Variants in SDSL observed in about 807,000 individuals in gnomAD.
SDSL encodes the protein serine dehydratase-like.
SDSL carries 26 observed loss-of-function variants against 27.6 expected under a neutral mutation model. That is an observed-to-expected ratio of 0.94 (90% CI 0.69 to 1.31). The LOEUF is 1.31. SDSL is among the 50% of genes most tolerant of loss of function. The probability of loss-of-function intolerance (pLI) is 0.00; values close to 1 mark genes in which losing one functional copy is unlikely to be tolerated. For missense variants in SDSL, 431 were observed against 423.5 expected (o/e 1.02, Z -0.16); for synonymous variants, 196 against 180.6 (o/e 1.09, Z -0.69).
rs1288175339 is a variant in SDSL, at chr12:113,435,343, G to A, written c.458G>A (p.Ser153Asn). ...CCCCTCCCCAGGAAAGGCCACGCCA[G>A]CCTGGTGCAGGAGCTGAAAGCAGTG... The part of the protein sequence containing the change: ...DHPLIWKGHA[S>N]LVQELKAVLR... Residue 153 changes from serine to asparagine, a missense_variant, in exon 6 of 8, where the codon AGC becomes AAC. Physicochemically the swap from Ser to Asn is conservative, Grantham distance 46 (BLOSUM62 1). Coordinates refer to ENST00000403593, the MANE Select transcript of SDSL (RefSeq NM_001304993.2). The A allele has an allele frequency of 6.5e-7, 1 of 1,540,922 alleles. No individual in the cohort carries two copies. Among genetic ancestry groups the A allele is most frequent in the South Asian group, 1.2e-5 (1 of 81,278 alleles).
intron 1 of SDSL, among the ~76,000 whole-genome samples, chr12:113,423,064 C>T (rs1957810234): frequency 6.6e-6 from 1 of 152,112 alleles, no homozygotes; most frequent in South Asian, 2.1e-4. Context: ...ACAGCTCAGT[C>T]CCAGACCTCA....
At chr12:113,425,757 C>G (rs1304232246) in intron 1 of SDSL, 2 of 455,482 alleles carry the variant, frequency 4.4e-6, no homozygotes, top group South Asian at 3.1e-5. Flanking sequence ...CTTCGGGAGG[C>G]CGAGGTGGGC....
At chr12:113,430,457 C>A (rs1022613716) in intron 4 of SDSL, among the ~76,000 whole-genome samples, 1 of 152,200 alleles carries the variant, frequency 6.6e-6, no homozygotes, top group Non-Finnish European at 1.5e-5. Flanking sequence ...TGCTTTGGGT[C>A]TGTGGGAGGG....
chr12:113,422,991 G>A (rs1475036399), intron 1 of SDSL: 2 of 152,294 alleles, frequency 1.3e-5, no homozygotes, highest in Non-Finnish European at 2.9e-5. Context: ...GGGAGACCCA[G>A]GTCCCCCATT....
At chr12:113,423,849 A>T (rs1331085239) in intron 1 of SDSL, among the ~76,000 whole-genome samples, 1 of 152,082 alleles carries the variant, frequency 6.6e-6, no homozygotes, top group African/African-American at 2.4e-5. Context: ...TTTCACCAAA[A>T]AGGAAGAGAG....
At chr12:113,427,782 C>T (rs1473901036) in intron 1 of SDSL, among the ~76,000 whole-genome samples, 180 bp from the exon 2 acceptor site, 1 of 152,250 alleles carries the variant, frequency 6.6e-6, no homozygotes, top group Non-Finnish European at 1.5e-5. Flanking sequence ...ACTTCTTTGA[C>T]CAGATGGGGA....
chr12:113,436,015 G>C (rs73430162), intron 6 of SDSL, among the ~76,000 whole-genome samples: 1 of 152,144 alleles, frequency 6.6e-6, no homozygotes, highest in African/African-American at 2.4e-5. Context: ...TAGCTACTTG[G>C]GAGGCTGAAA....
intron 7 of SDSL, among the ~76,000 whole-genome samples, chr12:113,437,600 G>C (rs979421838): frequency 3.9e-5 from 6 of 152,216 alleles, no homozygotes; most frequent in Non-Finnish European, 8.8e-5. Flanking sequence ...TGGATGGATG[G>C]ATATGTTGAT....
chr12:113,425,861 T>C (rs1355965475), intron 1 of SDSL: 1 of 390,132 alleles, frequency 2.6e-6, no homozygotes, highest in East Asian at 7.2e-5. Flanking sequence ...TGGTGACGTG[T>C]GCCTGTGGTC....
intron 5 of SDSL, among the ~76,000 whole-genome samples, chr12:113,434,835 C>G (rs1426456056): frequency 6.6e-6 from 1 of 152,220 alleles, no homozygotes; most frequent in Non-Finnish European, 1.5e-5. Flanking sequence ...ATGAATGAGG[C>G]CAGGCGCGGT....
chr12:113,437,947 C>T lies in SDSL; in HGVS notation c.858C>T (p.Gly286=), dbSNP rs1958020312. The part of the protein sequence containing the change: ...CGAALAAIYS[G]LLRRLQAEGC... ...CAGCCTTAGCAGCCATCTACTCAGGCCTCCTGCGGAGGCTCCAGGCCGAGG... is the reference window on the plus strand; with the variant it reads ...CAGCCTTAGCAGCCATCTACTCAGGTCTCCTGCGGAGGCTCCAGGCCGAGG... The change falls in exon 8 of 8, where the codon GGC becomes GGT. Residue 286 remains glycine, a synonymous_variant. Coordinates refer to ENST00000403593, the MANE Select transcript of SDSL (RefSeq NM_001304993.2). The T allele has an allele frequency of 2.5e-6, 4 of 1,614,074 alleles. No homozygotes were observed. The highest frequency in any genetic ancestry group is 2.7e-5 in the African/African-American group (2 of 75,070).
At chr12:113,436,676 G>C in intron 6 of SDSL, 75 bp from the exon 7 acceptor site, 2 of 1,423,280 alleles carry the variant, frequency 1.4e-6, no homozygotes, top group Non-Finnish European at 1.8e-6. Context: ...GGTGGCTGGG[G>C]CTGGGGAGAG....
In SDSL at chr12:113,428,449, G is replaced by A; in HGVS notation, c.204G>A (p.Val68=). The change falls in exon 3 of 8, where the codon GTG becomes GTA. Residue 68 remains valine, a synonymous_variant. Coordinates refer to ENST00000403593, the MANE Select transcript of SDSL (RefSeq NM_001304993.2). ...EMAKKGCRHL[V]CSSGGNAGIA... is the part of the protein sequence containing the mutation. ...CCAAGAAGGGATGCAGACACCTGGT[G>A]TGCTCCTCAGGTGACCCCACCTTTT... The A allele has an allele frequency of 6.2e-7, 1 of 1,612,504 alleles. No individual in the cohort carries two copies. Among genetic ancestry groups the A allele is most frequent in the East Asian group, 2.2e-5 (1 of 44,870 alleles).
rs1957887808 is a variant in SDSL, at chr12:113,429,169, C to CTGCACAGG, written c.224_225insTGCACAGG (p.Gly76AlafsTer43). The stretch of plus-strand genomic sequence containing the variant: ...CCTCCTTTCTGCACAGGGGGTAATG[C>CTGCACAGG]GGGCATCGCTGCTGCCTATGCTGCT... On this transcript the variant is annotated frameshift_variant, in exon 4 of 8. Coordinates refer to ENST00000403593, the MANE Select transcript of SDSL (RefSeq NM_001304993.2). LOFTEE classifies it high-confidence loss of function. 15 of 1,612,802 alleles carry CTGCACAGG rather than the reference C, an allele frequency of 9.3e-6. No homozygotes were observed. The highest frequency in any genetic ancestry group is 1.3e-5 in the Non-Finnish European group (15 of 1,179,408).
chr12:113,428,098 A>G lies in SDSL; in HGVS notation c.116A>G (p.Glu39Gly). Residue 39 changes from glutamate to glycine, a missense_variant, in exon 2 of 8, where the codon GAG becomes GGG. By Grantham distance (98) the Glu-to-Gly change is moderately conservative (BLOSUM62 -2). Coordinates refer to ENST00000403593, the MANE Select transcript of SDSL (RefSeq NM_001304993.2). ...VAGMPVFLKC[E>G]NVQPSGSFKI... ...GGCATGCCTGTCTTCCTCAAGTGTG[A>G]GAATGTGCAGCCCAGCGGCTCCTTC... The G allele has an allele frequency of 6.2e-7, 1 of 1,613,752 alleles. No individual in the cohort carries two copies.
At chr12:113,430,376 T>A (rs1252070633) in intron 4 of SDSL, among the ~76,000 whole-genome samples, 2 of 152,160 alleles carry the variant, frequency 1.3e-5, no homozygotes, top group African/African-American at 4.8e-5. Flanking sequence ...AATCAGCTAT[T>A]GTTGCTTGGT....
At chr12:113,436,729 C>T in intron 6 of SDSL, 22 bp from the exon 7 acceptor site, 1 of 1,570,960 alleles carries the variant, frequency 6.4e-7, no homozygotes, top group Admixed American at 1.8e-5. Flanking sequence ...GTCTCCCTGC[C>T]CCACCCTGCT....
intron 1 of SDSL, among the ~76,000 whole-genome samples, chr12:113,424,637 G>C (rs1400383727): frequency 6.6e-6 from 1 of 152,102 alleles, no homozygotes; most frequent in African/African-American, 2.4e-5. Context: ...CATGCTCAAA[G>C]CATGACACAA....
chr12:113,428,216 G>A, intron 2 of SDSL, 60 bp downstream of exon 2: 1 of 1,515,166 alleles, frequency 6.6e-7, no homozygotes, highest in South Asian at 1.2e-5. Context: ...GGAAGAGTGA[G>A]GGGTGTGGGC....
Sources: allele counts gnomAD v4.1 joint callset (sites outside exome capture counted in the v4.1 genomes callset), GRCh38; gene constraint gnomAD v4.1.1; transcripts MANE v1.5; gene names NCBI Gene and HGNC (gene_info 2026-07-23, HGNC 2026-07-21).